The following LPL variants were observed in gnomAD, a reference collection of about 807,000 sequenced individuals.
The protein encoded by LPL is phospholipase A1.
LPL carries 43 observed loss-of-function variants against 52.2 expected under a neutral mutation model. That is an observed-to-expected ratio of 0.82 (90% CI 0.64 to 1.06). LPL has a LOEUF of 1.06. Among genes scored for constraint, LPL ranks in the 50% least tolerant of loss-of-function variants. The pLI is 0.00. For synonymous variants in LPL, 244 were observed against 215.6 expected, an observed-to-expected ratio of 1.13 and a Z score of -1.15; for missense variants, 639 against 585.3, an observed-to-expected ratio of 1.09 and a Z score of -0.95.
Position 19,939,536 on chromosome 8 carries a change from T to C in LPL, c.88+8T>C. Reference sequence around the variant, plus strand: ...GGGTGGCCGCCGCCGACCGTAAGTTTTGCGCGCAAACTCCCCTCCACCTGC... The same window carrying C: ...GGGTGGCCGCCGCCGACCGTAAGTTCTGCGCGCAAACTCCCCTCCACCTGC... On this transcript the variant is annotated splice_region_variant and intron_variant, in intron 1 of 9. Transcript: ENST00000650287. The surrounding 1 kb of genome is among the most constrained non-coding windows in gnomAD (Gnocchi z 4.0). 1 of 1,605,858 alleles carries C rather than the reference T, an allele frequency of 6.2e-7. No homozygotes were observed. Among genetic ancestry groups the C allele is most frequent in the Middle Eastern group, 1.7e-4 (1 of 6,042 alleles).
chr8:19,945,782 G>T (rs576109075), intron 1 of LPL, among the ~76,000 whole-genome samples: 5 of 152,314 alleles, frequency 3.3e-5, no homozygotes, highest in Non-Finnish European at 7.3e-5. Flanking sequence ...GAGTTATACT[G>T]AGCATTATTC....
Position 19,956,011 on chromosome 8 carries a change from G to A in LPL, c.946G>A (p.Glu316Lys), listed in dbSNP as rs369054213. ...GAACCGCTGCAACAATCTGGGCTAT[G>A]AGATCAATAAAGTCAGAGCCAAAAG... ...RKNRCNNLGY[E>K]INKVRAKRSS... is the part of the protein sequence containing the mutation. Residue 316 changes from glutamate (E) to lysine (K), a missense_variant, in exon 6 of 10, where the codon GAG becomes AAG. Transcript: ENST00000650287. The A allele has an allele frequency of 5.0e-6, 8 of 1,614,040 alleles. No individual in the cohort carries two copies. In the African/African-American group the frequency reaches 9.3e-5, roughly 19 times the overall value.
At chr8:19,947,867 A>T (rs2069895731) in intron 1 of LPL, among the ~76,000 whole-genome samples, 1 of 152,002 alleles carries the variant, frequency 6.6e-6, no homozygotes, top group African/African-American at 2.4e-5. Flanking sequence ...GAATCCCCAA[A>T]CAGCAGTTCC....
chr8:19,959,587 T>C (rs1412097576), intron 7 of LPL, among the ~76,000 whole-genome samples: 1 of 152,018 alleles, frequency 6.6e-6, no homozygotes, highest in Admixed American at 6.5e-5. Context: ...ACTAGTTATA[T>C]TTTTTTATTT....
chr8:19,945,403 G>A (rs1436046881), intron 1 of LPL, among the ~76,000 whole-genome samples: 1 of 152,168 alleles, frequency 6.6e-6, no homozygotes, highest in African/African-American at 2.4e-5. Context: ...ATGATGTCAT[G>A]TCTGACATAG....
At chr8:19,964,874 T>C (rs1276709083) in intron 9 of LPL, among the ~76,000 whole-genome samples, 1 of 152,190 alleles carries the variant, frequency 6.6e-6, no homozygotes, top group Non-Finnish European at 1.5e-5. Context: ...TAGGAGGTAA[T>C]TATAAATTAG....
In LPL at chr8:19,951,619, G is replaced by A. The variant is rs536785619; in HGVS notation, c.250-150G>A. On this transcript the variant is annotated intron_variant, in intron 2 of 9. Coordinates refer to ENST00000650287, the MANE Select transcript of LPL (RefSeq NM_000237.3). ...CCTTGGAAGGGACAGACCTGTCTCT[G>A]AACACTGTTCTGTTATTTGATTTTT... 1,161 of 889,976 alleles carry A rather than the reference G, an allele frequency of 1.3e-3. 8 individuals are homozygous for A. Among genetic ancestry groups the A allele is most frequent in the South Asian group, 8.4e-3 (612 of 73,114 alleles). 55.1% of individuals were successfully genotyped at this position (889,976 alleles called of 1,614,324 possible). A position where few individuals can be genotyped will look rare whatever the true frequency, so the allele number is the denominator to read the frequency against.
chr8:19,962,068 C>T, intron 8 of LPL, 47 bp from the exon 9 acceptor site: 1 of 1,257,362 alleles, frequency 8.0e-7, no homozygotes, highest in Non-Finnish European at 1.2e-6. Flanking sequence ...GTGAACAGTG[C>T]TTTTGATTGT....
intron 3 of LPL, 115 bp downstream of exon 3, chr8:19,952,063 C>A (rs1236180487): frequency 8.5e-7 from 1 of 1,178,994 alleles, no homozygotes; most frequent in Non-Finnish European, 1.2e-6. Context: ...TGGGGGCATT[C>A]AAATCTTCAG....
In LPL at chr8:19,953,389, G is replaced by T; in HGVS notation, c.509G>T (p.Ser170Ile). 1.2e-6 allele frequency: 2 copies of T among 1,613,996 alleles called. No individual in the cohort carries two copies. The highest frequency in any genetic ancestry group is 1.7e-6 in the Non-Finnish European group (2 of 1,179,892). Residue 170 changes from serine to isoleucine, a missense_variant, in exon 4 of 10, where the codon AGT becomes ATT. Transcript: ENST00000650287. ...GCCCATGCTGCTGGCATTGCAGGAA[G>T]TCTGACCAATAAGAAAGTCAACAGA... Reference protein sequence around the residue: ...LGAHAAGIAGSLTNKKVNRIT... With the variant: ...LGAHAAGIAGILTNKKVNRIT...
Position 19,939,488 on chromosome 8 carries a change from G to C in LPL, c.48G>C (p.Gln16His), listed in dbSNP as rs1294130429. ...LLVLTLAVWLQSLTASRGGVA... is the reference protein window; with the variant it reads ...LLVLTLAVWLHSLTASRGGVA... ...TGCTGACTCTGGCCGTGTGGCTCCA[G>C]AGTCTGACCGCCTCCCGCGGAGGGG... The change falls in exon 1 of 10, where the codon CAG (glutamine) becomes CAC (histidine). Residue 16 changes from glutamine (Q) to histidine (H), a missense_variant. By Grantham distance (24) the Gln-to-His change is conservative. Coordinates refer to ENST00000650287, the MANE Select transcript of LPL (RefSeq NM_000237.3). The surrounding 1 kb of genome is among the most constrained non-coding windows in gnomAD (Gnocchi z 4.0). 6.2e-7 allele frequency: 1 copy of C among 1,610,836 alleles called. No homozygotes were observed. The highest frequency in any genetic ancestry group is 1.7e-4 in the Middle Eastern group (1 of 6,050).
rs1392473242 is a variant in LPL at position 19,964,732 on chromosome 8, T to A, written c.*-578T>A. Among the ~76,000 whole-genome samples, 3 of 152,180 alleles carry A rather than the reference T, an allele frequency of 2.0e-5. No individual in the cohort carries two copies. In the East Asian group the frequency reaches 5.8e-4, roughly 30 times the overall value. On this transcript the variant is annotated intron_variant, in intron 9 of 9. Coordinates refer to ENST00000650287, the MANE Select transcript of LPL (RefSeq NM_000237.3). The stretch of plus-strand genomic sequence containing the variant: ...TTAGTAGAGACGGAGTTTCACCATA[T>A]TGGCCAGGCTGGTCATTGAACTCCT...
rs955110022 is a variant in LPL at position 19,950,329 on chromosome 8, C to G, written c.250-1440C>G. Reference sequence around the variant, plus strand: ...GATTGAAAGAACTTAGAATAAGACCCTTTTTGAGTTGAGAAAGGTGAGTAC... The same window carrying G: ...GATTGAAAGAACTTAGAATAAGACCGTTTTTGAGTTGAGAAAGGTGAGTAC... On this transcript the variant is annotated intron_variant, in intron 2 of 9. Coordinates refer to ENST00000650287, the MANE Select transcript of LPL (RefSeq NM_000237.3). The surrounding 1 kb of genome is among the most constrained non-coding windows in gnomAD (Gnocchi z 4.2). Among the ~76,000 whole-genome samples the G allele has an allele frequency of 6.6e-6, 1 of 152,194 alleles. No homozygotes were observed. The highest frequency in any genetic ancestry group is 1.5e-5 in the Non-Finnish European group (1 of 68,030).
intron 5 of LPL, among the ~76,000 whole-genome samples, chr8:19,955,007 G>A (rs1047153812): frequency 1.3e-5 from 2 of 152,008 alleles, no homozygotes; most frequent in African/African-American, 2.4e-5. Flanking sequence ...CCCAGTTTAC[G>A]ATTTATTTTT....
chr8:19,958,896 G>A (rs1417247860), intron 6 of LPL, among the ~76,000 whole-genome samples: 2 of 152,154 alleles, frequency 1.3e-5, no homozygotes, highest in Non-Finnish European at 2.9e-5. Flanking sequence ...GGCACAAGAT[G>A]GCCAAGGATG....
chr8:19,963,435 C>A (rs1324628087), intron 9 of LPL, among the ~76,000 whole-genome samples: 196 of 132,542 alleles, frequency 1.5e-3, no homozygotes, highest in Admixed American at 1.5e-3. Flanking sequence ...GACTCCATCT[C>A]AAAAAAAAAA....
chr8:19,961,193 G>A (rs375145534), intron 8 of LPL, 110 bp downstream of exon 8: 1 of 638,084 alleles, frequency 1.6e-6, no homozygotes, highest in African/African-American at 2.6e-5. Context: ...AGGAAACCTT[G>A]TATTTATTAC....
At chr8:19,958,907 G>T (rs1180933658) in intron 6 of LPL, among the ~76,000 whole-genome samples, 1 of 152,200 alleles carries the variant, frequency 6.6e-6, no homozygotes, top group Non-Finnish European at 1.5e-5. Context: ...GCCAAGGATG[G>T]CGGAGTTCAT....
chr8:19,951,601 AG>A, intron 2 of LPL, 167 bp from the exon 3 acceptor site: 1 of 794,052 alleles, frequency 1.3e-6, no homozygotes, highest in Non-Finnish European at 2.2e-6. Flanking sequence ...CTGCCTTGGA[AG>A]GGACAGACCT....
Sources: gnomAD v4.1 joint callset for allele counts (sites outside exome capture counted in the v4.1 genomes callset) on GRCh38, gnomAD v4.1.1 for gene constraint, Gnocchi (gnomAD v3.1) non-coding constraint, MANE v1.5 for transcripts, NCBI Gene and HGNC (gene_info 2026-07-23, HGNC 2026-07-21) for gene names.